RXFP2: variants seen among roughly 807,000 people sequenced by gnomAD.
RXFP2 encodes relaxin family peptide receptor 2.
Under a neutral mutation model 88.6 loss-of-function variants are expected in RXFP2, and 68 were observed. The observed-to-expected ratio is 0.77, with a 90% CI of 0.63 to 0.94. The LOEUF (loss-of-function observed/expected upper bound fraction) is 0.94. RXFP2 is among the 40% of genes least tolerant of loss of function. The pLI, the probability that RXFP2 is intolerant of heterozygous loss-of-function variation, is 0.00. For missense variants in RXFP2, 791 were observed against 893.9 expected, an observed-to-expected ratio of 0.88 and a Z score of 1.47; for synonymous variants, 329 against 306.8, an observed-to-expected ratio of 1.07 and a Z score of -0.76.
intron 1 of RXFP2, among the ~76,000 whole-genome samples, chr13:31,757,243 C>A (rs1032053284): frequency 2.6e-5 from 4 of 152,174 alleles, no homozygotes; most frequent in Non-Finnish European, 1.5e-5. Flanking sequence ...TTGATAGTCT[C>A]ATAGTGCAAT....
At position 31,802,553 on chromosome 13, in the gene RXFP2, C is replaced by A; in HGVS notation, c.*148C>A. 1 of 856,386 alleles carries A rather than the reference C, an allele frequency of 1.2e-6. No individual in the cohort carries two copies. 53.0% of individuals were successfully genotyped at this position (856,386 alleles called of 1,614,324 possible). ...GCAGAATGGCTCCTGTCACTGCATT[C>A]CAATGGCAGCTGTACTATCTACCAA... On this transcript the variant is annotated 3_prime_UTR_variant, in exon 18 of 18. Transcript: ENST00000298386.
chr13:31,745,211 TC>T (rs1871360960), intron 1 of RXFP2, among the ~76,000 whole-genome samples: 1 of 151,912 alleles, frequency 6.6e-6, no homozygotes, highest in Non-Finnish European at 1.5e-5. Flanking sequence ...AGGTATGAAT[TC>T]CCCCTTTTTG....
In RXFP2 at chr13:31,802,332, A is replaced by G; in HGVS notation, c.2192A>G (p.Asp731Gly). Residue 731 changes from aspartate (D) to glycine (G), a missense_variant, in exon 18 of 18, where the codon GAC becomes GGC. By Grantham distance (94) the Asp-to-Gly change is moderately conservative. Transcript: ENST00000298386. ...SLSTSIVWIE[D>G]SSSLKLGVLN... ...TCTACATCCATTGTGTGGATAGAGG[A>G]CTCCTCTTCCCTGAAACTTGGGGTT... 6.2e-7 allele frequency: 1 copy of G among 1,612,598 alleles called. No homozygotes were observed. The highest frequency in any genetic ancestry group is 1.1e-5 in the South Asian group (1 of 91,034).
At chr13:31,758,835 C>T (rs920603608) in intron 2 of RXFP2, among the ~76,000 whole-genome samples, 5 of 151,848 alleles carry the variant, frequency 3.3e-5, no homozygotes, top group Non-Finnish European at 5.9e-5. Context: ...GTCAGGAGTT[C>T]GAGATCAGCC....
intron 14 of RXFP2, 93 bp from the exon 15 acceptor site, chr13:31,791,713 A>T (rs1873797547): frequency 2.4e-6 from 2 of 849,708 alleles, no homozygotes; most frequent in Non-Finnish European, 4.1e-6. Flanking sequence ...GTGAAGTTGT[A>T]TACCTAGCAT....
rs965616610 is a variant in RXFP2, at chr13:31,792,918, C to T, written c.1616C>T (p.Ser539Leu). Residue 539 changes from serine to leucine, a missense_variant, in exon 16 of 18, where the codon TCA (serine) becomes TTA (leucine). Coordinates refer to ENST00000298386, the MANE Select transcript of RXFP2 (RefSeq NM_130806.5). Reference protein sequence around the residue: ...SNIRPGKRQTSVILICIWMAG... With the variant: ...SNIRPGKRQTLVILICIWMAG... ...ATTCGACCTGGAAAACGGCAGACCTCAGTCATCCTCATTTGCATCTGGATG... is the reference window on the plus strand; with the variant it reads ...ATTCGACCTGGAAAACGGCAGACCTTAGTCATCCTCATTTGCATCTGGATG... The T allele has an allele frequency of 5.0e-6, 8 of 1,614,076 alleles. No individual in the cohort carries two copies. In the African/African-American group the frequency reaches 5.3e-5, roughly 11 times the overall value.
chr13:31,746,897 A>G (rs1871445478), intron 1 of RXFP2, among the ~76,000 whole-genome samples: 1 of 152,210 alleles, frequency 6.6e-6, no homozygotes, highest in South Asian at 2.1e-4. Flanking sequence ...GTATTCCCTT[A>G]AAAGCCTCAA....
At chr13:31,752,871 C>T (rs544112448) in intron 1 of RXFP2, among the ~76,000 whole-genome samples, 5 of 152,218 alleles carry the variant, frequency 3.3e-5, no homozygotes, top group South Asian at 2.1e-4. Flanking sequence ...CAACAAACTG[C>T]GGCACATAGT....
chr13:31,789,659 C>G (rs1873706828), intron 14 of RXFP2, among the ~76,000 whole-genome samples: 1 of 152,180 alleles, frequency 6.6e-6, no homozygotes, highest in African/African-American at 2.4e-5. Context: ...TGATAAGTCA[C>G]TTTAGTATAT....
intron 11 of RXFP2, among the ~76,000 whole-genome samples, chr13:31,783,448 TA>T (rs1166309097): frequency 6.6e-6 from 1 of 152,250 alleles, no homozygotes; most frequent in Non-Finnish European, 1.5e-5. Flanking sequence ...AAATGGAAAT[TA>T]ATTTCTGAAT....
At chr13:31,777,329 C>A in intron 7 of RXFP2, 47 bp from the exon 8 acceptor site, 1 of 1,429,790 alleles carries the variant, frequency 7.0e-7, no homozygotes, top group Non-Finnish European at 9.8e-7. Flanking sequence ...GGTTTTATTT[C>A]ACAAATGTCT....
In RXFP2 at chr13:31,802,189, C is replaced by T. The variant is rs773156458; in HGVS notation, c.2049C>T (p.Asn683=). 1 of 1,613,840 alleles carries T rather than the reference C, an allele frequency of 6.2e-7. No homozygotes were observed. Among genetic ancestry groups the T allele is most frequent in the Admixed American group, 1.7e-5 (1 of 60,010 alleles). Residue 683 remains asparagine (N), a synonymous_variant, in exon 18 of 18, where the codon AAC becomes AAT. Transcript: ENST00000298386. ...SWIVIFFLPV[N]SALNPILYTL... ...TAGTGATTTTTTTCCTTCCAGTTAA[C>T]AGTGCTTTGAATCCAATCCTCTATA...
Position 31,791,805 on chromosome 13 carries a change from G to A in RXFP2, c.1146-1G>A. On this transcript the variant is annotated splice_acceptor_variant, in intron 14 of 17. Transcript: ENST00000298386. LOFTEE classifies it high-confidence loss of function. ...GACACTTTTTTTCCCTTTGACTTTA[G>A]TTATTTCAAAAACTTTCGATACTGC... 1 of 1,611,278 alleles carries A rather than the reference G, an allele frequency of 6.2e-7. No individual in the cohort carries two copies. The highest frequency in any genetic ancestry group is 1.1e-5 in the South Asian group (1 of 91,030).
At chr13:31,760,337 C>T (rs978575968) in intron 2 of RXFP2, among the ~76,000 whole-genome samples, 14 of 152,124 alleles carry the variant, frequency 9.2e-5, no homozygotes, top group East Asian at 1.9e-4. Flanking sequence ...GTGATCCGCC[C>T]GCCTCGGCCT....
At chr13:31,784,614 G>C (rs1873440873) in intron 11 of RXFP2, among the ~76,000 whole-genome samples, 1 of 152,116 alleles carries the variant, frequency 6.6e-6, no homozygotes, top group African/African-American at 2.4e-5. Flanking sequence ...AGATCTAGGT[G>C]TGCTCCTCTC....
At chr13:31,761,047 T>C (rs1348675367) in intron 2 of RXFP2, among the ~76,000 whole-genome samples, 1 of 152,144 alleles carries the variant, frequency 6.6e-6, no homozygotes, top group Non-Finnish European at 1.5e-5. Flanking sequence ...TGTGACCTCC[T>C]GGGCTCAAGC....
intron 1 of RXFP2, among the ~76,000 whole-genome samples, chr13:31,744,516 A>G (rs1417375342): frequency 6.6e-6 from 1 of 152,198 alleles, no homozygotes; most frequent in African/African-American, 2.4e-5. Context: ...CTATGATGGT[A>G]CAGATCTCCA....
Position 31,761,760 on chromosome 13 carries a change from T to C in RXFP2, c.278T>C (p.Val93Ala). 6.2e-7 allele frequency: 1 copy of C among 1,613,368 alleles called. No homozygotes were observed. ...TSGWATIFGT[V>A]HGNANSVALT... ...GGATGGGCGACCATATTTGGCACAG[T>C]GCATGGAAATGCTAACAGCGTGGCC... Residue 93 changes from valine to alanine, a missense_variant, in exon 3 of 18, where the codon GTG becomes GCG. Val to Ala is a moderately conservative substitution (Grantham distance 64, BLOSUM62 0). Transcript: ENST00000298386.
intron 1 of RXFP2, among the ~76,000 whole-genome samples, chr13:31,743,076 G>T (rs1362313082): frequency 6.6e-6 from 1 of 152,162 alleles, no homozygotes; most frequent in Non-Finnish European, 1.5e-5. Flanking sequence ...AGTTTGCAGT[G>T]AAGGTCAATG....
Sources: gnomAD v4.1 joint callset for allele counts (sites outside exome capture counted in the v4.1 genomes callset) on GRCh38, gnomAD v4.1.1 for gene constraint, MANE v1.5 for transcripts, NCBI Gene and HGNC (gene_info 2026-07-23, HGNC 2026-07-21) for gene names.